SORCS2: variants seen among roughly 807,000 people sequenced by gnomAD.
SORCS2 encodes the protein VPS10 domain-containing receptor SorCS2.
Under a neutral mutation model 141.6 loss-of-function variants are expected in SORCS2, and 100 were observed. The ratio of observed to expected loss-of-function variants is 0.71; its 90% confidence interval spans 0.60 to 0.83. SORCS2 has a LOEUF of 0.83. Ranked by LOEUF, SORCS2 falls within the 40% of genes least tolerant of loss-of-function variation. The pLI is 0.00. For missense variants in SORCS2, 1,646 were observed against 1,560.2 expected (o/e 1.05, Z -0.93); for synonymous variants, 789 against 676.9 (o/e 1.17, Z -2.57).
intron 2 of SORCS2, among the ~76,000 whole-genome samples, chr4:7,497,372 G>A (rs1383774861): frequency 1.3e-5 from 2 of 152,228 alleles, no homozygotes; most frequent in East Asian, 3.9e-4. Flanking sequence ...GGATGTGGGA[G>A]ACTTGTCCAG....
chr4:7,309,876 A>G (rs563396329), intron 1 of SORCS2, among the ~76,000 whole-genome samples: 1 of 152,214 alleles, frequency 6.6e-6, no homozygotes, highest in African/African-American at 2.4e-5. Context: ...TGGCAGCTGG[A>G]TGTTCTGCGA....
chr4:7,395,001 T>C lies in SORCS2; in HGVS notation c.481-1287T>C, dbSNP rs561498577. On this transcript the variant is annotated intron_variant, in intron 1 of 26. Coordinates refer to ENST00000507866, the MANE Select transcript of SORCS2 (RefSeq NM_020777.3). ...GGGTTAAAGTCCACACCCTGTCAGC[T>C]CCCCACTCCTCGGAGGGACCTGGCT... 2.6e-5 allele frequency among the ~76,000 whole-genome samples: 4 copies of C among 152,224 alleles called. No homozygotes were observed. The South Asian group carries it at 8.3e-4, about 32-fold the overall frequency.
intron 3 of SORCS2, among the ~76,000 whole-genome samples, chr4:7,574,109 G>A (rs13142463): frequency 0.81 from 122,938 of 152,226 alleles, 50,077 homozygotes; most frequent in East Asian, 0.88. Context: ...TTTAGAAATT[G>A]CCTTATTTGT....
At chr4:7,426,512 C>G (rs1726448968) in intron 2 of SORCS2, among the ~76,000 whole-genome samples, 1 of 152,186 alleles carries the variant, frequency 6.6e-6, no homozygotes, top group African/African-American at 2.4e-5. Flanking sequence ...TTGGTTGAAG[C>G]CAGTAACTTG....
At chr4:7,531,053 C>A (rs1313767378) in intron 2 of SORCS2, among the ~76,000 whole-genome samples, 2 of 152,102 alleles carry the variant, frequency 1.3e-5, no homozygotes, top group African/African-American at 4.8e-5. Flanking sequence ...GGGAAAGAGG[C>A]AAGCAGATAG....
At chr4:7,271,129 G>A (rs1374281978) in intron 1 of SORCS2, among the ~76,000 whole-genome samples, 1 of 152,220 alleles carries the variant, frequency 6.6e-6, no homozygotes, top group Non-Finnish European at 1.5e-5. Flanking sequence ...CAACCTCCCA[G>A]CTGGTCCCCT....
At chr4:7,385,560 G>A (rs1723242324) in intron 1 of SORCS2, among the ~76,000 whole-genome samples, 1 of 152,214 alleles carries the variant, frequency 6.6e-6, no homozygotes, top group Non-Finnish European at 1.5e-5. Context: ...GGGGCTTGAA[G>A]AGTGCCACTC....
intron 1 of SORCS2, among the ~76,000 whole-genome samples, chr4:7,322,612 G>A (rs570086810): frequency 4.8e-4 from 73 of 152,308 alleles, no homozygotes; most frequent in African/African-American, 1.7e-3. Flanking sequence ...GAGGGGCGCA[G>A]ACACCCTGAG....
intron 1 of SORCS2, among the ~76,000 whole-genome samples, chr4:7,314,495 A>G (rs1022105476): frequency 2.6e-5 from 4 of 151,844 alleles, no homozygotes; most frequent in African/African-American, 4.8e-5. Context: ...GCCCGCCACC[A>G]CGCCCGGCTA....
chr4:7,391,052 C>T (rs890861056), intron 1 of SORCS2, among the ~76,000 whole-genome samples: 4 of 152,162 alleles, frequency 2.6e-5, no homozygotes, highest in Non-Finnish European at 4.4e-5. Context: ...CATGGGGAGA[C>T]CCTCCCGCAG....
At chr4:7,206,589 GAGAC>G (rs1408070971) in intron 1 of SORCS2, among the ~76,000 whole-genome samples, 3 of 152,180 alleles carry the variant, frequency 2.0e-5, no homozygotes, top group Non-Finnish European at 4.4e-5. Flanking sequence ...GGCTGCCAGA[GAGAC>G]AGACAGATTT....
intron 1 of SORCS2, among the ~76,000 whole-genome samples, chr4:7,199,071 C>T (rs1180823467): frequency 6.6e-5 from 10 of 152,106 alleles, no homozygotes; most frequent in Admixed American, 5.2e-4. Flanking sequence ...GTGCACTTTG[C>T]GGAAGTCCCC....
chr4:7,433,990 C>G, intron 2 of SORCS2: 1 of 1,613,736 alleles, frequency 6.2e-7, no homozygotes, highest in Non-Finnish European at 8.5e-7. Flanking sequence ...CACGTTCATG[C>G]ACACCTCACA....
intron 1 of SORCS2, among the ~76,000 whole-genome samples, chr4:7,366,798 A>T (rs909030617): frequency 2.0e-5 from 3 of 152,052 alleles, no homozygotes; most frequent in South Asian, 4.1e-4. Flanking sequence ...AGGGCCAGGG[A>T]CCTGCCCACT....
At chr4:7,640,096 C>T (rs563759382) in intron 4 of SORCS2, among the ~76,000 whole-genome samples, 61 of 149,936 alleles carry the variant, frequency 4.1e-4, no homozygotes, top group African/African-American at 1.5e-3. Flanking sequence ...TCAGTGTGTG[C>T]TTGTAGGTGT....
Position 7,714,259 on chromosome 4 carries a change from G to A in SORCS2, c.2009G>A (p.Gly670Asp). The change falls in exon 16 of 27, where the codon GGC (glycine) becomes GAC (aspartate). Residue 670 changes from glycine (G) to aspartate (D), a missense_variant. Transcript: ENST00000507866. ...CTGCAGGGCGACCGCTGTATCATGGGCCAGCAGAGAAGTTTCCGGAAAAGA... is the reference window on the plus strand; with the variant it reads ...CTGCAGGGCGACCGCTGTATCATGGACCAGCAGAGAAGTTTCCGGAAAAGA... ...SNLQGDRCIMGQQRSFRKRKS... is the reference protein window; with the variant it reads ...SNLQGDRCIMDQQRSFRKRKS... 2 of 1,611,136 alleles carry A rather than the reference G, an allele frequency of 1.2e-6. No individual in the cohort carries two copies. Among genetic ancestry groups the A allele is most frequent in the Non-Finnish European group, 1.7e-6 (2 of 1,178,870 alleles).
At chr4:7,536,524 T>C (rs996584704) in intron 3 of SORCS2, among the ~76,000 whole-genome samples, 3 of 152,152 alleles carry the variant, frequency 2.0e-5, no homozygotes, top group Non-Finnish European at 4.4e-5. Flanking sequence ...TTCAGACACC[T>C]GCATGGTGGT....
intron 15 of SORCS2, among the ~76,000 whole-genome samples, chr4:7,713,261 T>C (rs1301912426): frequency 6.6e-6 from 1 of 152,126 alleles, no homozygotes; most frequent in Non-Finnish European, 1.5e-5. Context: ...CATAACTGTT[T>C]CTACAGCAAA....
chr4:7,662,234 C>T (rs1722223786), intron 6 of SORCS2, among the ~76,000 whole-genome samples: 1 of 147,612 alleles, frequency 6.8e-6, no homozygotes, highest in Non-Finnish European at 1.5e-5. Context: ...TCCCCCCCCT[C>T]CCCCACCCCC....
Sources: gnomAD v4.1 joint callset for allele counts (sites outside exome capture counted in the v4.1 genomes callset) on GRCh38, gnomAD v4.1.1 for gene constraint, MANE v1.5 for transcripts, NCBI Gene and HGNC (gene_info 2026-07-23, HGNC 2026-07-21) for gene names.